The following FRMPD1 variants were observed in gnomAD, a reference collection of about 807,000 sequenced individuals.
FRMPD1 encodes FERM and PDZ domain containing 1.
Under a neutral mutation model 117.8 loss-of-function variants are expected in FRMPD1, and 76 were observed. That is an observed-to-expected ratio of 0.65 (90% CI 0.54 to 0.78). The LOEUF is 0.78. Among genes scored for constraint, FRMPD1 ranks in the 30% least tolerant of loss-of-function variants. FRMPD1 has a pLI of 0.00. For missense variants in FRMPD1, 1,786 were observed against 1,964.5 expected, an observed-to-expected ratio of 0.91 and a Z score of 1.72; for synonymous variants, 783 against 770.4, an observed-to-expected ratio of 1.02 and a Z score of -0.27.
intron 2 of FRMPD1, among the ~76,000 whole-genome samples, chr9:37,695,486 T>C (rs1460197279): frequency 6.6e-6 from 1 of 152,318 alleles, no homozygotes; most frequent in Admixed American, 6.5e-5. Context: ...AGATAAAGTT[T>C]CCTGTCACTG....
At chr9:37,605,863 T>C in the FRMPD1 span, among the ~76,000 whole-genome samples, 2 of 151,986 alleles carry the variant, frequency 1.3e-5, no homozygotes, top group Admixed American at 6.6e-5. Context: ...TACAGGTTCA[T>C]GCCTGGGTAG....
At chr9:37,680,744 G>A (rs149283905) in intron 1 of FRMPD1, among the ~76,000 whole-genome samples, 14 of 152,282 alleles carry the variant, frequency 9.2e-5, no homozygotes, top group African/African-American at 3.4e-4. Context: ...CCAGCTGTGA[G>A]CATTGTTTTT....
At chr9:37,721,133 G>T (rs1047438874) in intron 6 of FRMPD1, among the ~76,000 whole-genome samples, 1 of 152,200 alleles carries the variant, frequency 6.6e-6, no homozygotes, top group African/African-American at 2.4e-5. Context: ...CAGAGTTTTG[G>T]TTGGGGAGTT....
the FRMPD1 span, among the ~76,000 whole-genome samples, chr9:37,629,772 TC>T: frequency 6.6e-6 from 1 of 152,188 alleles, no homozygotes; most frequent in East Asian, 1.9e-4. Context: ...TATTTAGAGT[TC>T]TCTAGCCTGC....
At chr9:37,671,128 GTATTGAACACCTAAAGGC>G (rs1413831207) in intron 1 of FRMPD1, among the ~76,000 whole-genome samples, 24 of 152,268 alleles carry the variant, frequency 1.6e-4, no homozygotes, top group African/African-American at 5.5e-4. Context: ...AAATCTACAA[GTATTGAACACCTAAAGGC>G]TATTGAACAC....
chr9:37,685,237 T>G (rs938401991), intron 1 of FRMPD1, among the ~76,000 whole-genome samples: 33 of 152,388 alleles, frequency 2.2e-4, no homozygotes, highest in African/African-American at 7.9e-4. Context: ...GGATGATTCT[T>G]TAATCTTTGC....
intron 6 of FRMPD1, among the ~76,000 whole-genome samples, chr9:37,721,070 C>A (rs1823379156): frequency 1.3e-5 from 2 of 152,162 alleles, no homozygotes; most frequent in Admixed American, 1.3e-4. Flanking sequence ...GCTGTCTATG[C>A]TGAGGGGACC....
the FRMPD1 span, among the ~76,000 whole-genome samples, chr9:37,611,780 GCA>G: frequency 6.6e-6 from 1 of 152,130 alleles, no homozygotes; most frequent in Non-Finnish European, 1.5e-5. Context: ...ATACCTTAGT[GCA>G]CAGAGCTTAA....
chr9:37,656,639 A>G (rs10973458), intron 1 of FRMPD1, among the ~76,000 whole-genome samples: 2 of 152,150 alleles, frequency 1.3e-5, no homozygotes, highest in African/African-American at 4.8e-5. Context: ...CTAACAGTGG[A>G]TTAAATTTGT....
intron 1 of FRMPD1, among the ~76,000 whole-genome samples, chr9:37,671,452 T>G (rs1029488484): frequency 5.9e-5 from 9 of 152,196 alleles, no homozygotes; most frequent in Non-Finnish European, 1.2e-4. Flanking sequence ...TTTTAGTCAT[T>G]CAATGAGTAT....
intron 1 of FRMPD1, among the ~76,000 whole-genome samples, chr9:37,653,791 C>CA (rs1157818819): frequency 6.6e-6 from 1 of 152,100 alleles, no homozygotes; most frequent in African/African-American, 2.4e-5. Flanking sequence ...CCCATCTCTA[C>CA]AAAAAATTTA....
the FRMPD1 span, among the ~76,000 whole-genome samples, chr9:37,604,876 C>T: frequency 1.3e-5 from 2 of 152,336 alleles, no homozygotes; most frequent in Non-Finnish European, 2.9e-5. Flanking sequence ...TAATAGTTAG[C>T]ATTATTGAGC....
chr9:37,647,374 G>T (rs4878711), upstream of FRMPD1, among the ~76,000 whole-genome samples: 94,072 of 151,602 alleles, frequency 0.62, 30,417 homozygotes, highest in African/African-American at 0.81. Context: ...TAACCGGGCG[G>T]GGTGGCGGGC....
chr9:37,743,520 CTTTTTTTTTTTTTTTTT>C (rs531949141), intron 15 of FRMPD1, among the ~76,000 whole-genome samples: 1,420 of 40,912 alleles, frequency 0.035, 55 homozygotes, highest in African/African-American at 0.088. Flanking sequence ...AATGGCTCTG[CTTTTTTTTTTTTTTTTT>C]TTTTTTTTTT....
chr9:37,685,948 T>C (rs1209830732), intron 1 of FRMPD1, among the ~76,000 whole-genome samples: 2 of 152,222 alleles, frequency 1.3e-5, no homozygotes, highest in African/African-American at 4.8e-5. Context: ...TTTTGAAGGG[T>C]TTATAACCTT....
At chr9:37,608,241 A>G in the FRMPD1 span, among the ~76,000 whole-genome samples, 1 of 152,224 alleles carries the variant, frequency 6.6e-6, no homozygotes, top group Admixed American at 6.5e-5. Context: ...TTGATGAAGT[A>G]ACATACTGAT....
chr9:37,687,458 C>A (rs1821989770), intron 1 of FRMPD1, among the ~76,000 whole-genome samples: 3 of 152,142 alleles, frequency 2.0e-5, no homozygotes, highest in Admixed American at 2.0e-4. Context: ...TAAGACAGAC[C>A]AAGTTAATAT....
chr9:37,679,482 A>G (rs1160908658), intron 1 of FRMPD1, among the ~76,000 whole-genome samples: 1 of 152,184 alleles, frequency 6.6e-6, no homozygotes, highest in African/African-American at 2.4e-5. Flanking sequence ...GAACATTTTC[A>G]TCTCCTCTAA....
At chr9:37,712,769 G>A (rs767185324) in intron 5 of FRMPD1, among the ~76,000 whole-genome samples, 8 of 152,136 alleles carry the variant, frequency 5.3e-5, no homozygotes, top group Non-Finnish European at 1.2e-4. Flanking sequence ...TAAATATTCA[G>A]TGCAAGAAGT....
Sources: allele counts gnomAD v4.1 joint callset (sites outside exome capture counted in the v4.1 genomes callset), GRCh38; gene constraint gnomAD v4.1.1; transcripts MANE v1.5; gene names NCBI Gene and HGNC (gene_info 2026-07-23, HGNC 2026-07-21).